GPHN: variants seen among roughly 807,000 people sequenced by gnomAD.
The protein encoded by GPHN is gephyrin.
A neutral mutation model predicts 95.5 loss-of-function variants in GPHN; 17 were observed. The ratio of observed to expected loss-of-function variants is 0.18; its 90% CI spans 0.12 to 0.27. The LOEUF (loss-of-function observed/expected upper bound fraction) is 0.27, where lower values mean the gene tolerates loss of function less well. GPHN is among the 10% of genes least tolerant of loss of function. The probability of loss-of-function intolerance (pLI) is 1.00; values close to 1 mark genes in which losing one functional copy is unlikely to be tolerated. For synonymous variants in GPHN, 320 were observed against 322.5 expected (o/e 0.99, Z 0.08); for missense variants, 660 against 978.1 (o/e 0.67, Z 4.34).
intron 1 of GPHN, among the ~76,000 whole-genome samples, chr14:66,658,011 T>C (rs2065406551): frequency 6.6e-6 from 1 of 152,174 alleles, no homozygotes. Context: ...TTGGAAAGGC[T>C]CACCATTCTA....
intron 18 of GPHN, among the ~76,000 whole-genome samples, chr14:67,150,213 C>G (rs899155818): frequency 6.6e-6 from 1 of 151,674 alleles, no homozygotes; most frequent in Admixed American, 6.6e-5. Context: ...GAGGCCGAGG[C>G]GGGCGGATCA....
intron 8 of GPHN, among the ~76,000 whole-genome samples, chr14:66,964,481 T>C (rs1035699943): frequency 2.0e-5 from 3 of 152,154 alleles, no homozygotes; most frequent in Non-Finnish European, 4.4e-5. Context: ...TTGGACAGAA[T>C]TTAGGGAAAA....
intron 2 of GPHN, among the ~76,000 whole-genome samples, chr14:66,731,431 G>A (rs527739621): frequency 7.9e-5 from 12 of 152,342 alleles, no homozygotes; most frequent in Non-Finnish European, 1.2e-4. Flanking sequence ...AGGCTGAGGT[G>A]ATCTCAGATG....
intron 5 of GPHN, among the ~76,000 whole-genome samples, chr14:66,888,947 T>C (rs1385221272): frequency 6.6e-6 from 1 of 152,090 alleles, no homozygotes; most frequent in Non-Finnish European, 1.5e-5. Context: ...TAATATCAAA[T>C]AAATTTTAAA....
chr14:67,198,969 G>T, the GPHN span: 2 of 702,948 alleles, frequency 2.8e-6, no homozygotes, highest in South Asian at 1.5e-5. Context: ...TAATACATTC[G>T]AGAAGCTGCT....
the GPHN span, chr14:67,579,985 C>T: frequency 2.8e-6 from 3 of 1,083,336 alleles, no homozygotes; most frequent in African/African-American, 4.7e-5. Flanking sequence ...TCATTTGGTG[C>T]TGAGCCCAAG....
intron 1 of GPHN, among the ~76,000 whole-genome samples, chr14:66,652,377 G>A (rs2065088156): frequency 6.6e-6 from 1 of 151,828 alleles, no homozygotes; most frequent in Non-Finnish European, 1.5e-5. Flanking sequence ...GTATACAAAT[G>A]TGTATATTTT....
intron 1 of GPHN, among the ~76,000 whole-genome samples, chr14:66,541,845 G>A (rs578011040): frequency 5.3e-5 from 8 of 152,324 alleles, no homozygotes; most frequent in African/African-American, 1.4e-4. Context: ...ACAGAATGAT[G>A]TGAATGAGAC....
chr14:67,310,839 A>C, the GPHN span, among the ~76,000 whole-genome samples: 1 of 152,178 alleles, frequency 6.6e-6, no homozygotes, highest in Non-Finnish European at 1.5e-5. Flanking sequence ...CTGTCTATCT[A>C]TCTATCTATG....
the GPHN span, chr14:67,726,149 C>A: frequency 1.3e-6 from 2 of 1,598,808 alleles, no homozygotes; most frequent in African/African-American, 1.3e-5. Flanking sequence ...GGGAGTCAAC[C>A]ACCTGGGTAA....
intron 2 of GPHN, among the ~76,000 whole-genome samples, chr14:66,730,048 AAAC>A (rs2071625111): frequency 1.3e-5 from 2 of 152,354 alleles, no homozygotes; most frequent in East Asian, 1.9e-4. Context: ...AAATTAATGG[AAAC>A]AACAACAACT....
chr14:66,767,928 T>C (rs2059022782), intron 2 of GPHN, among the ~76,000 whole-genome samples: 1 of 151,946 alleles, frequency 6.6e-6, no homozygotes, highest in Non-Finnish European at 1.5e-5. Flanking sequence ...CAGGAAAAGA[T>C]CTAATAGTCA....
At chr14:67,144,052 G>A (rs72715398) in intron 18 of GPHN, among the ~76,000 whole-genome samples, 9,988 of 150,272 alleles carry the variant, frequency 0.066, 349 homozygotes, top group Middle Eastern at 0.082. Context: ...CCTGGGCGAC[G>A]TGGTGAAACC....
At chr14:66,727,041 G>T (rs1377101198) in intron 2 of GPHN, among the ~76,000 whole-genome samples, 1 of 152,140 alleles carries the variant, frequency 6.6e-6, no homozygotes, top group Non-Finnish European at 1.5e-5. Flanking sequence ...GAGGAACCTG[G>T]TGAGACATAA....
chr14:67,462,845 C>T, the GPHN span, among the ~76,000 whole-genome samples: 1 of 152,160 alleles, frequency 6.6e-6, no homozygotes, highest in Non-Finnish European at 1.5e-5. Context: ...GTTAGAAGTC[C>T]ATCCTTGGCC....
chr14:67,695,562 G>A, the GPHN span: 1 of 1,483,768 alleles, frequency 6.7e-7, no homozygotes, highest in South Asian at 1.2e-5. Flanking sequence ...AGCTTTGGTG[G>A]GGATTCTATG....
chr14:67,419,588 G>T, the GPHN span, among the ~76,000 whole-genome samples: 1 of 152,076 alleles, frequency 6.6e-6, no homozygotes, highest in African/African-American at 2.4e-5. Context: ...CCAGGCGGGG[G>T]GCGGTGGCTC....
At chr14:66,671,677 T>C (rs1448352214) in intron 1 of GPHN, among the ~76,000 whole-genome samples, 1 of 152,170 alleles carries the variant, frequency 6.6e-6, no homozygotes, top group Admixed American at 6.5e-5. Context: ...TTCAAACTGT[T>C]TCTTCTTTTG....
At chr14:66,910,873 C>T (rs1428823549) in intron 5 of GPHN, among the ~76,000 whole-genome samples, 1 of 151,908 alleles carries the variant, frequency 6.6e-6, no homozygotes, top group East Asian at 1.9e-4. Flanking sequence ...ATTTGAAGAA[C>T]ACTGTCCTAG....
Sources: allele counts gnomAD v4.1 joint callset (sites outside exome capture counted in the v4.1 genomes callset), GRCh38; gene constraint gnomAD v4.1.1; transcripts MANE v1.5; gene names NCBI Gene and HGNC (gene_info 2026-07-23, HGNC 2026-07-21).